The following NEGR1 variants were observed in gnomAD, a reference collection of about 807,000 sequenced individuals.
NEGR1 encodes the protein IgLON family member 4.
In NEGR1, 10 loss-of-function variants were observed where a neutral mutation model predicts 40.9. That is an observed-to-expected ratio of 0.24 (90% CI 0.15 to 0.42). NEGR1 has a LOEUF of 0.42. NEGR1 is among the 10% of genes least tolerant of loss of function. The pLI is 1.00. For missense variants in NEGR1, 352 were observed against 438.9 expected (o/e 0.80, Z 1.77); for synonymous variants, 185 against 166.8 (o/e 1.11, Z -0.84).
intron 2 of NEGR1, among the ~76,000 whole-genome samples, chr1:71,788,169 A>T (rs558146185): frequency 4.9e-4 from 74 of 152,116 alleles, no homozygotes; most frequent in East Asian, 3.7e-3. Flanking sequence ...TTATTTTTTT[A>T]AAAAAATATT....
At chr1:72,237,802 C>T (rs905288837) in intron 1 of NEGR1, among the ~76,000 whole-genome samples, 4 of 151,894 alleles carry the variant, frequency 2.6e-5, no homozygotes, top group Non-Finnish European at 5.9e-5. Context: ...CAGAACTGTG[C>T]TCTCATTTTA....
intron 6 of NEGR1, among the ~76,000 whole-genome samples, chr1:71,527,069 A>G (rs934435503): frequency 2.6e-5 from 4 of 151,616 alleles, no homozygotes; most frequent in African/African-American, 9.7e-5. Context: ...TTTTAAAGCC[A>G]TATCTGAGTT....
intron 1 of NEGR1, among the ~76,000 whole-genome samples, chr1:72,099,006 T>C (rs946418813): frequency 6.6e-6 from 1 of 151,946 alleles, no homozygotes; most frequent in Non-Finnish European, 1.5e-5. Flanking sequence ...ATTTAGAATA[T>C]TATAATTATA....
Position 71,514,484 on chromosome 1 carries a change from G to C in NEGR1, c.940+78333C>G, listed in dbSNP as rs772179753. 6.8e-3 allele frequency among the ~76,000 whole-genome samples: 475 copies of C among 69,842 alleles called. 4 individuals are homozygous for C. Among genetic ancestry groups the C allele is most frequent in the South Asian group, 0.016 (28 of 1,704 alleles). The allele number at this position is 69,842 out of a possible 152,430, so 45.8% of individuals were successfully genotyped here. A position where few individuals can be genotyped will look rare whatever the true frequency, so the allele number is the denominator to read the frequency against. On this transcript the variant is annotated intron_variant, in intron 6 of 6. Coordinates refer to ENST00000357731, the MANE Select transcript of NEGR1 (RefSeq NM_173808.3). ...GGCACACTGACACCTCACACAGCAG[G>C]GTATTCCAACAGACCTGCAGCTGAG...
chr1:72,097,507 C>G (rs1648747539), intron 1 of NEGR1, among the ~76,000 whole-genome samples: 1 of 152,060 alleles, frequency 6.6e-6, no homozygotes, highest in African/African-American at 2.4e-5. Context: ...ACTTTACCCC[C>G]CAAAATTTCC....
chr1:71,604,518 T>C (rs976972097), intron 5 of NEGR1, among the ~76,000 whole-genome samples: 1 of 152,122 alleles, frequency 6.6e-6, no homozygotes, highest in Non-Finnish European at 1.5e-5. Flanking sequence ...AGTAAATATT[T>C]AGAATAGAAA....
At chr1:71,614,192 T>A (rs1650365156) in intron 4 of NEGR1, among the ~76,000 whole-genome samples, 1 of 152,018 alleles carries the variant, frequency 6.6e-6, no homozygotes, top group Admixed American at 6.6e-5. Flanking sequence ...TTCCAAAAAA[T>A]GTTTGCATGA....
At chr1:71,771,941 T>C (rs1656345690) in intron 3 of NEGR1, among the ~76,000 whole-genome samples, 1 of 151,958 alleles carries the variant, frequency 6.6e-6, no homozygotes, top group African/African-American at 2.4e-5. Flanking sequence ...AGAGCAGATA[T>C]TTGGATGTCA....
chr1:71,839,373 G>T (rs1659156895), intron 2 of NEGR1, among the ~76,000 whole-genome samples: 2 of 150,732 alleles, frequency 1.3e-5, no homozygotes, highest in South Asian at 4.2e-4. Flanking sequence ...CCAGCTAATT[G>T]TTGTATTTTT....
intron 3 of NEGR1, among the ~76,000 whole-genome samples, chr1:71,729,608 A>T (rs114667009): frequency 8.5e-4 from 129 of 152,170 alleles, no homozygotes; most frequent in African/African-American, 3.0e-3. Context: ...AACAAAACTC[A>T]TTAAGAGATG....
At chr1:72,133,155 T>G (rs1444585122) in intron 1 of NEGR1, among the ~76,000 whole-genome samples, 1 of 152,100 alleles carries the variant, frequency 6.6e-6, no homozygotes, top group Non-Finnish European at 1.5e-5. Flanking sequence ...TCAATCCATA[T>G]CTGCAAATTA....
At chr1:72,088,562 G>T (rs1648317188) in intron 1 of NEGR1, among the ~76,000 whole-genome samples, 2 of 152,050 alleles carry the variant, frequency 1.3e-5, no homozygotes, top group Non-Finnish European at 2.9e-5. Context: ...ACCCAGATCT[G>T]CCTTAAATAG....
At chr1:71,461,120 T>C (rs904888163) in intron 6 of NEGR1, among the ~76,000 whole-genome samples, 2 of 152,188 alleles carry the variant, frequency 1.3e-5, no homozygotes, top group African/African-American at 4.8e-5. Context: ...TCATCCAGTG[T>C]CACCTATTTA....
At chr1:71,684,880 G>A (rs370619553) in intron 4 of NEGR1, among the ~76,000 whole-genome samples, 2 of 152,094 alleles carry the variant, frequency 1.3e-5, no homozygotes, top group Non-Finnish European at 2.9e-5. Flanking sequence ...TTTGTACTGT[G>A]TTCTCTCAAA....
intron 6 of NEGR1, among the ~76,000 whole-genome samples, chr1:71,545,476 C>A (rs893130415): frequency 5.3e-5 from 8 of 151,672 alleles, no homozygotes; most frequent in African/African-American, 1.9e-4. Context: ...TTTTAAAAAT[C>A]CAGTCTTGTA....
intron 5 of NEGR1, among the ~76,000 whole-genome samples, chr1:71,600,693 A>C (rs1649887999): frequency 6.6e-6 from 1 of 152,242 alleles, no homozygotes; most frequent in Admixed American, 6.5e-5. Flanking sequence ...ATTCATAGCC[A>C]GAGTGGAATA....
intron 6 of NEGR1, among the ~76,000 whole-genome samples, chr1:71,502,598 C>A (rs1219926847): frequency 2.6e-5 from 4 of 152,110 alleles, no homozygotes; most frequent in Non-Finnish European, 5.9e-5. Flanking sequence ...GGAGATGCGT[C>A]CCACCTGATT....
chr1:71,506,242 G>A (rs1271977739), intron 6 of NEGR1, among the ~76,000 whole-genome samples: 1 of 152,148 alleles, frequency 6.6e-6, no homozygotes, highest in African/African-American at 2.4e-5. Flanking sequence ...GCTAAAGCAG[G>A]CCCTCATTGC....
At chr1:72,040,967 A>G (rs1018435282) in intron 1 of NEGR1, among the ~76,000 whole-genome samples, 15 of 151,848 alleles carry the variant, frequency 9.9e-5, no homozygotes, top group African/African-American at 2.9e-4. Flanking sequence ...CAACCTAATA[A>G]CCTGTTTTCT....
Sources: gnomAD v4.1 joint callset for allele counts (sites outside exome capture counted in the v4.1 genomes callset) on GRCh38, gnomAD v4.1.1 for gene constraint, MANE v1.5 for transcripts, NCBI Gene and HGNC (gene_info 2026-07-23, HGNC 2026-07-21) for gene names.